The following CDH12 variants were observed in gnomAD, a reference collection of about 807,000 sequenced individuals.
CDH12 encodes the protein cadherin-12.
A neutral mutation model predicts 74.1 loss-of-function variants in CDH12; 41 were observed. The ratio of observed to expected loss-of-function variants is 0.55; its 90% CI spans 0.43 to 0.72. The LOEUF is 0.72. Ranked by LOEUF, CDH12 falls within the 30% of genes least tolerant of loss-of-function variation. CDH12 has a pLI of 0.00. For synonymous variants in CDH12, 399 were observed against 355.0 expected (o/e 1.12, Z -1.39); for missense variants, 945 against 977.2 (o/e 0.97, Z 0.44).
At chr5:22,764,291 T>A (rs1421756286) in intron 1 of CDH12, among the ~76,000 whole-genome samples, 1 of 151,930 alleles carries the variant, frequency 6.6e-6, no homozygotes, top group Non-Finnish European at 1.5e-5. Flanking sequence ...TAGTTATATT[T>A]CTCACATAAA....
At chr5:22,336,407 G>A (rs994338992) in intron 3 of CDH12, among the ~76,000 whole-genome samples, 1 of 152,180 alleles carries the variant, frequency 6.6e-6, no homozygotes, top group Non-Finnish European at 1.5e-5. Context: ...AATATCTCCA[G>A]GGCATGTTAG....
chr5:22,187,370 C>G (rs548978757), intron 4 of CDH12, among the ~76,000 whole-genome samples: 1 of 152,262 alleles, frequency 6.6e-6, no homozygotes, highest in Admixed American at 6.5e-5. Context: ...TAAACCATGC[C>G]TTTGTGTTGT....
chr5:22,420,586 T>C (rs1212283452), intron 2 of CDH12, among the ~76,000 whole-genome samples: 1 of 152,196 alleles, frequency 6.6e-6, no homozygotes, highest in Non-Finnish European at 1.5e-5. Flanking sequence ...CCTTATAGTA[T>C]AGTTTGAAGT....
intron 1 of CDH12, among the ~76,000 whole-genome samples, chr5:22,598,274 C>A (rs1501746): frequency 0.15 from 22,523 of 152,166 alleles, 2,169 homozygotes; most frequent in Admixed American, 0.33. Flanking sequence ...TTACCCAAAT[C>A]TCACCTTGAA....
intron 1 of CDH12, among the ~76,000 whole-genome samples, chr5:22,579,325 T>G (rs1386585167): frequency 6.6e-6 from 1 of 152,126 alleles, no homozygotes; most frequent in African/African-American, 2.4e-5. Context: ...AGGTCAACAA[T>G]TGATTTGACT....
chr5:22,393,009 T>C (rs1465582886), intron 3 of CDH12, among the ~76,000 whole-genome samples: 1 of 152,102 alleles, frequency 6.6e-6, no homozygotes, highest in Non-Finnish European at 1.5e-5. Context: ...ATGGATCAGA[T>C]TGAATGATAT....
intron 5 of CDH12, among the ~76,000 whole-genome samples, chr5:22,076,346 G>A (rs4388179): frequency 0.31 from 47,124 of 151,896 alleles, 8,305 homozygotes; most frequent in African/African-American, 0.49. Context: ...TGGACTGTTC[G>A]GGGAGATGAA....
chr5:22,815,113 T>C (rs1242192722), intron 1 of CDH12, among the ~76,000 whole-genome samples: 1 of 152,150 alleles, frequency 6.6e-6, no homozygotes, highest in African/African-American at 2.4e-5. Flanking sequence ...AAGATGGGTA[T>C]TAGATCCTGG....
chr5:22,270,334 G>A (rs1293742778), intron 3 of CDH12, among the ~76,000 whole-genome samples: 1 of 151,946 alleles, frequency 6.6e-6, no homozygotes, highest in Admixed American at 6.6e-5. Flanking sequence ...AGTGGCTCAC[G>A]GCTGTAATTC....
chr5:21,761,766 G>C (rs1237480626), intron 12 of CDH12, among the ~76,000 whole-genome samples: 1 of 151,948 alleles, frequency 6.6e-6, no homozygotes, highest in African/African-American at 2.4e-5. Context: ...TAGATAGATA[G>C]ATAGATAGAT....
chr5:22,571,489 A>G (rs949302606), intron 1 of CDH12, among the ~76,000 whole-genome samples: 3 of 152,028 alleles, frequency 2.0e-5, no homozygotes, highest in South Asian at 2.1e-4. Context: ...ACAACGCCAG[A>G]CTAATTTTGT....
At chr5:22,272,367 T>G (rs754877617) in intron 3 of CDH12, among the ~76,000 whole-genome samples, 33 of 152,244 alleles carry the variant, frequency 2.2e-4, no homozygotes, top group Non-Finnish European at 4.0e-4. Context: ...GTGGCTGGTT[T>G]TATCTTCTTT....
At chr5:22,601,045 T>C (rs1224829423) in intron 1 of CDH12, among the ~76,000 whole-genome samples, 1 of 152,148 alleles carries the variant, frequency 6.6e-6, no homozygotes, top group Non-Finnish European at 1.5e-5. Flanking sequence ...ACACTTGACA[T>C]TGTGCCAGAA....
In CDH12 at chr5:21,751,597, A is replaced by C; in HGVS notation, c.*140T>G. 2 of 720,994 alleles carry C rather than the reference A, an allele frequency of 2.8e-6. No individual in the cohort carries two copies. Among genetic ancestry groups the C allele is most frequent in the Non-Finnish European group, 4.4e-6 (2 of 456,868 alleles). The allele number at this position is 720,994 out of a possible 1,614,324, so 44.7% of individuals were successfully genotyped here. ...TACTAGAAACCAGGTAATCAAAGGAATCTTGTCCCAGAGTGTGTGTGTGTG... is the reference window on the plus strand; with the variant it reads ...TACTAGAAACCAGGTAATCAAAGGACTCTTGTCCCAGAGTGTGTGTGTGTG... On this transcript the variant is annotated 3_prime_UTR_variant, in exon 15 of 15. Coordinates refer to ENST00000382254, the MANE Select transcript of CDH12 (RefSeq NM_004061.5).
At chr5:22,488,509 C>A (rs1234542575) in intron 2 of CDH12, among the ~76,000 whole-genome samples, 1 of 152,096 alleles carries the variant, frequency 6.6e-6, no homozygotes, top group Non-Finnish European at 1.5e-5. Context: ...AAAGGACTGC[C>A]CCTCAAAGGG....
At chr5:22,455,248 T>C (rs1745216852) in intron 2 of CDH12, among the ~76,000 whole-genome samples, 1 of 152,202 alleles carries the variant, frequency 6.6e-6, no homozygotes, top group Admixed American at 6.5e-5. Flanking sequence ...ACTAACATGG[T>C]ACTAGCTAAA....
chr5:22,667,961 G>GA (rs141463370), intron 1 of CDH12, among the ~76,000 whole-genome samples: 2 of 151,780 alleles, frequency 1.3e-5, no homozygotes, highest in South Asian at 4.1e-4. Context: ...TATAAGGAGG[G>GA]AAAAAACATT....
In CDH12 at chr5:21,755,778, G is replaced by T. The variant is rs774132726; in HGVS notation, c.1698C>A (p.Phe566Leu). The change falls in exon 14 of 15, where the codon TTC becomes TTA. Residue 566 changes from phenylalanine (F) to leucine (L), a missense_variant. Physicochemically the swap from Phe to Leu is conservative, Grantham distance 22. Around this residue, in one of 3 missense-constraint regions of CDH12, gnomAD observed 791 missense variants for 792.8 expected, o/e 1.00. Coordinates refer to ENST00000382254, the MANE Select transcript of CDH12 (RefSeq NM_004061.5). ...TGCTGTCTTCTATTACAACAGGGAGGAAATACAACTCTTGCTGCCTGCGGC... is the reference window on the plus strand; with the variant it reads ...TGCTGTCTTCTATTACAACAGGGAGTAAATACAACTCTTGCTGCCTGCGGC... ...GYSRRQQELYFLPVVIEDSSY... is the reference protein window; with the variant it reads ...GYSRRQQELYLLPVVIEDSSY... The T allele has an allele frequency of 4.3e-6, 7 of 1,613,800 alleles. No individual in the cohort carries two copies. The highest frequency in any genetic ancestry group is 5.9e-6 in the Non-Finnish European group (7 of 1,179,870).
At chr5:21,897,558 T>C (rs192991125) in intron 6 of CDH12, among the ~76,000 whole-genome samples, 285 of 152,292 alleles carry the variant, frequency 1.9e-3, no homozygotes, top group African/African-American at 6.7e-3. Context: ...ACTGACAGGA[T>C]TATGGACTAT....
Sources: allele counts gnomAD v4.1 joint callset (sites outside exome capture counted in the v4.1 genomes callset), GRCh38; gene constraint gnomAD v4.1.1; regional missense constraint gnomAD v4.1.1; transcripts MANE v1.5; gene names NCBI Gene and HGNC (gene_info 2026-07-23, HGNC 2026-07-21).